The following RET variants were observed in gnomAD, a reference collection of about 807,000 sequenced individuals.
RET encodes the protein proto-oncogene tyrosine-protein kinase receptor Ret.
A neutral mutation model predicts 118.3 loss-of-function variants in RET; 19 were observed. The ratio of observed to expected loss-of-function variants is 0.16; its 90% CI spans 0.11 to 0.24. RET has a LOEUF of 0.24. RET is among the 10% of genes least tolerant of loss of function. The pLI is 1.00. For synonymous variants in RET, 597 were observed against 644.1 expected (o/e 0.93, Z 1.11); for missense variants, 1,219 against 1,502.1 (o/e 0.81, Z 3.12).
At chr10:43,108,780 C>T (rs1441576751) in intron 5 of RET, among the ~76,000 whole-genome samples, 3 of 152,142 alleles carry the variant, frequency 2.0e-5, no homozygotes, top group South Asian at 4.1e-4. Flanking sequence ...CCATACAATG[C>T]GTACACATGC....
At chr10:43,122,648 C>G (rs1838244048) in intron 16 of RET, among the ~76,000 whole-genome samples, 1 of 152,176 alleles carries the variant, frequency 6.6e-6, no homozygotes, top group African/African-American at 2.4e-5. Flanking sequence ...CACTCTGTCA[C>G]CCAGGTTGGA....
At chr10:43,122,326 G>C (rs1173863722) in intron 16 of RET, among the ~76,000 whole-genome samples, 1 of 152,184 alleles carries the variant, frequency 6.6e-6, no homozygotes, top group Non-Finnish European at 1.5e-5. Flanking sequence ...GGGTCCCTTG[G>C]TGACTCAGGC....
intron 1 of RET, among the ~76,000 whole-genome samples, chr10:43,077,817 C>T (rs142803979): frequency 6.6e-6 from 1 of 152,350 alleles, no homozygotes; most frequent in Non-Finnish European, 1.5e-5. Flanking sequence ...CCAGCTCTGC[C>T]GTCCTGGCCA....
At chr10:43,104,644 TC>T in intron 3 of RET, 1 of 531,246 alleles carries the variant, frequency 1.9e-6, no homozygotes, top group Non-Finnish European at 3.4e-6. Context: ...CGGAGGGGTG[TC>T]CCAGTCCCTA....
chr10:43,106,581 GC>G lies in RET; in HGVS notation c.1063+11del. The G allele has an allele frequency of 5.0e-6, 8 of 1,612,748 alleles. No individual in the cohort carries two copies. The highest frequency in any genetic ancestry group is 6.8e-6 in the Non-Finnish European group (8 of 1,179,388). On this transcript the variant is annotated intron_variant, in intron 5 of 19. Transcript: ENST00000355710. This position sits in a 1 kb window ranked among gnomAD's most constrained non-coding sequence, Gnocchi z 5.1. Reference sequence around the variant, plus strand: ...ACCGTACATGACTATAGTAAGAGGGGCTGGTGGCACGGCCTGGCTAGGCCCC... The same window carrying G: ...ACCGTACATGACTATAGTAAGAGGGGTGGTGGCACGGCCTGGCTAGGCCCC...
chr10:43,118,664 G>A (rs1838131717), intron 13 of RET, among the ~76,000 whole-genome samples, 184 bp downstream of exon 13: 1 of 152,238 alleles, frequency 6.6e-6, no homozygotes, highest in Non-Finnish European at 1.5e-5. Context: ...CACGGGCTGA[G>A]TGGTCACTTT....
chr10:43,079,272 C>T (rs1837124810), intron 1 of RET, among the ~76,000 whole-genome samples: 1 of 152,122 alleles, frequency 6.6e-6, no homozygotes, highest in Non-Finnish European at 1.5e-5. Context: ...AGCGTGGTTC[C>T]TTCACACCCT....
At chr10:43,117,801 C>T (rs1390445656) in intron 12 of RET, among the ~76,000 whole-genome samples, 1 of 152,194 alleles carries the variant, frequency 6.6e-6, no homozygotes, top group Non-Finnish European at 1.5e-5. Context: ...GGTAACACTG[C>T]TTTATCTCAG....
intron 1 of RET, among the ~76,000 whole-genome samples, chr10:43,083,325 C>G (rs969573453): frequency 2.0e-5 from 3 of 152,250 alleles, no homozygotes; most frequent in Non-Finnish European, 4.4e-5. Context: ...TCCCCACCAC[C>G]TGTATATGCA....
chr10:43,123,654 C>T lies in RET; in HGVS notation c.2802-17C>T, dbSNP rs750812195. On this transcript the variant is annotated splice_polypyrimidine_tract_variant and intron_variant, in intron 16 of 19. Transcript: ENST00000355710. ...GGGCCAGGTGGAGCCACTCACTGGT[C>T]CTTTCACTCTCTGCAGATGGTCTTT... The T allele has an allele frequency of 2.1e-5, 34 of 1,613,936 alleles. No homozygotes were observed. In the East Asian group the frequency reaches 5.8e-4, roughly 27 times the overall value.
rs137855422 is a variant in RET at position 43,114,716 on chromosome 10, G to A, written c.2116G>A (p.Val706Met). Residue 706 changes from valine (V) to methionine (M), a missense_variant, in exon 11 of 20, where the codon GTG becomes ATG. Around this residue, in one of 5 missense-constraint regions of RET, gnomAD observed 850 missense variants for 969.6 expected, o/e 0.88. Transcript: ENST00000355710. This position sits in a 1 kb window ranked among gnomAD's most constrained non-coding sequence, Gnocchi z 4.6. Reference protein sequence around the residue: ...SLDSMENQVSVDAFKILEDPK... With the variant: ...SLDSMENQVSMDAFKILEDPK... ...GGACTCCATGGAGAACCAGGTCTCCGTGGATGCCTTCAAGATCCTGGTGAG... is the reference window on the plus strand; with the variant it reads ...GGACTCCATGGAGAACCAGGTCTCCATGGATGCCTTCAAGATCCTGGTGAG... 1.2e-5 allele frequency: 20 copies of A among 1,611,026 alleles called. No homozygotes were observed. In the East Asian group the frequency reaches 1.8e-4, roughly 14 times the overall value.
At chr10:43,122,901 C>T (rs540161289) in intron 16 of RET, among the ~76,000 whole-genome samples, 12 of 152,324 alleles carry the variant, frequency 7.9e-5, no homozygotes, top group African/African-American at 2.6e-4. Context: ...AGAGCCACCA[C>T]GCCTGGCCAA....
At position 43,077,117 on chromosome 10, in the gene RET, C is replaced by A. The variant is rs1245061306; in HGVS notation, c.-142C>A. 2 of 1,193,522 alleles carry A rather than the reference C, an allele frequency of 1.7e-6. No individual in the cohort carries two copies. The highest frequency in any genetic ancestry group is 3.2e-5 in the African/African-American group (2 of 62,134). 73.9% of individuals were successfully genotyped at this position (1,193,522 alleles called of 1,614,324 possible). ...CGCAGCAGCGCTGAGTGCCCCGGAA[C>A]GTGCGTCGCGCCCCCAGTGTCCGTC... On this transcript the variant is annotated 5_prime_UTR_variant, in exon 1 of 20. Coordinates refer to ENST00000355710, the MANE Select transcript of RET (RefSeq NM_020975.6).
intron 19 of RET, 111 bp from the exon 20 acceptor site, chr10:43,128,001 G>T: frequency 8.9e-7 from 1 of 1,124,932 alleles, no homozygotes; most frequent in Middle Eastern, 2.8e-4. Flanking sequence ...AATTGGCACA[G>T]AAACCACGAG....
chr10:43,112,000 C>A (rs996167287), intron 7 of RET, 99 bp from the exon 8 acceptor site: 2 of 1,508,258 alleles, frequency 1.3e-6, no homozygotes, highest in South Asian at 1.2e-5. Context: ...GGGCTCCATC[C>A]GTGGGCAGCT....
chr10:43,119,532 C>A lies in RET; in HGVS notation c.2394C>A (p.Gly798=). The change falls in exon 14 of 20, where the codon GGC becomes GGA. Residue 798 remains glycine (G), a splice_region_variant and synonymous_variant. Transcript: ENST00000355710. ...AGGGCCCCCTCTCTCCGCCCCCAGGCCCGCTCCTCCTCATCGTGGAGTACG... is the reference window on the plus strand; with the variant it reads ...AGGGCCCCCTCTCTCCGCCCCCAGGACCGCTCCTCCTCATCGTGGAGTACG... ...IKLYGACSQD[G]PLLLIVEYAK... The A allele has an allele frequency of 6.3e-7, 1 of 1,595,698 alleles. No individual in the cohort carries two copies.
At position 43,102,543 on chromosome 10, in the gene RET, G is replaced by A. The variant is rs370736139; in HGVS notation, c.539G>A (p.Arg180Gln). 63 of 1,614,032 alleles carry A rather than the reference G, an allele frequency of 3.9e-5. No individual in the cohort carries two copies. In the Admixed American group the frequency reaches 4.7e-4, roughly 12 times the overall value. Residue 180 changes from arginine (R) to glutamine (Q), a missense_variant, in exon 3 of 20, where the codon CGA becomes CAA. Physicochemically the swap from Arg to Gln is conservative, Grantham distance 43. Transcript: ENST00000355710. ...CCCTCCTTCCGCATTCGGGAGAACC[G>A]ACCCCCAGGCACCTTCCACCAGTTC... is the stretch of plus-strand genomic sequence containing the variant. The part of the protein sequence containing the change: ...TRPSFRIREN[R>Q]PPGTFHQFRL...
intron 15 of RET, among the ~76,000 whole-genome samples, chr10:43,121,010 A>G (rs1038971932): frequency 6.6e-6 from 1 of 151,840 alleles, no homozygotes; most frequent in African/African-American, 2.4e-5. Context: ...TGGAGAAGCC[A>G]TTTGTGTTGC....
rs953763394 is a variant in RET, at chr10:43,125,347, G to A, written c.3039+365G>A. ...AATTCAGATGCCCAGAGGGGGGTCC[G>A]GCTGGAGGAGGGCAGTGAGTAAGGA... On this transcript the variant is annotated intron_variant, in intron 18 of 19. Coordinates refer to ENST00000355710, the MANE Select transcript of RET (RefSeq NM_020975.6). Among the ~76,000 whole-genome samples the A allele has an allele frequency of 6.6e-5, 10 of 152,206 alleles. 1 individual carries two copies. The highest frequency in any genetic ancestry group is 1.7e-4 in the African/African-American group (7 of 41,446).
Sources: gnomAD v4.1 joint callset for allele counts (sites outside exome capture counted in the v4.1 genomes callset) on GRCh38, gnomAD v4.1.1 for gene constraint, gnomAD v4.1.1 regional missense constraint, Gnocchi (gnomAD v3.1) non-coding constraint, MANE v1.5 for transcripts, NCBI Gene and HGNC (gene_info 2026-07-23, HGNC 2026-07-21) for gene names.